The following PDLIM5 variants were observed in gnomAD, a reference collection of about 807,000 sequenced individuals.
The protein encoded by PDLIM5 is PDZ and LIM domain protein 5.
A neutral mutation model predicts 64.2 loss-of-function variants in PDLIM5; 34 were observed. That is an observed-to-expected ratio of 0.53 (90% CI 0.40 to 0.71). PDLIM5 has a LOEUF of 0.71. PDLIM5 is among the 30% of genes least tolerant of loss of function. The pLI is 0.00. For synonymous variants in PDLIM5, 253 were observed against 269.1 expected (o/e 0.94, Z 0.59); for missense variants, 683 against 733.6 (o/e 0.93, Z 0.80).
chr4:94,625,732 C>T (rs934053325), intron 8 of PDLIM5, among the ~76,000 whole-genome samples: 3 of 152,146 alleles, frequency 2.0e-5, no homozygotes, highest in African/African-American at 4.8e-5. Flanking sequence ...GGATTACAGA[C>T]GTGAGCCACT....
intron 8 of PDLIM5, among the ~76,000 whole-genome samples, chr4:94,631,194 C>A (rs1372041029): frequency 6.6e-6 from 1 of 151,910 alleles, no homozygotes; most frequent in Non-Finnish European, 1.5e-5. Flanking sequence ...TGAGCCACCA[C>A]ACCTGGCCAC....
chr4:94,506,014 C>T (rs1728362311), intron 2 of PDLIM5, among the ~76,000 whole-genome samples: 1 of 152,190 alleles, frequency 6.6e-6, no homozygotes, highest in Non-Finnish European at 1.5e-5. Flanking sequence ...GGTGACCAGC[C>T]TCCATCCTGA....
chr4:94,570,344 G>GA (rs528771041), intron 3 of PDLIM5, among the ~76,000 whole-genome samples: 7 of 151,774 alleles, frequency 4.6e-5, no homozygotes, highest in Admixed American at 3.9e-4. Flanking sequence ...CTCTCTGTAG[G>GA]AAAAAAAGAT....
At chr4:94,522,749 A>G (rs1729941976) in intron 2 of PDLIM5, among the ~76,000 whole-genome samples, 1 of 152,190 alleles carries the variant, frequency 6.6e-6, no homozygotes, top group Non-Finnish European at 1.5e-5. Context: ...CATCACAAAC[A>G]GAAACTCTGT....
At chr4:94,634,035 T>G (rs1740363829) in intron 8 of PDLIM5, among the ~76,000 whole-genome samples, 2 of 152,002 alleles carry the variant, frequency 1.3e-5, no homozygotes, top group South Asian at 4.2e-4. Context: ...TGGGATATAA[T>G]GGGCAAGGGG....
rs572555371 is a variant in PDLIM5 at position 94,505,756 on chromosome 4, G to T, written c.97-17968G>T. ...AGATGGGAGAGATGCACAGGGCAGG[G>T]CGTATGAAAAGGGGAACAGCGCTTC... is the stretch of plus-strand genomic sequence containing the variant. On this transcript the variant is annotated intron_variant, in intron 2 of 12. Coordinates refer to ENST00000317968, the MANE Select transcript of PDLIM5 (RefSeq NM_006457.5). Among the ~76,000 whole-genome samples, 4 of 152,286 alleles carry T rather than the reference G, an allele frequency of 2.6e-5. No homozygotes were observed. In the South Asian group the frequency reaches 8.3e-4, roughly 32 times the overall value.
chr4:94,479,668 A>G (rs1441042249), intron 2 of PDLIM5, among the ~76,000 whole-genome samples: 1 of 152,198 alleles, frequency 6.6e-6, no homozygotes, highest in African/African-American at 2.4e-5. Flanking sequence ...AAGGCAAACC[A>G]TGATGAGAAA....
Position 94,625,506 on chromosome 4 carries a change from G to A in PDLIM5, c.1108+7315G>A, listed in dbSNP as rs13144789. Among the ~76,000 whole-genome samples the A allele has an allele frequency of 8.1e-3, 1,216 of 150,092 alleles. 9 individuals are homozygous for A. Among genetic ancestry groups the A allele is most frequent in the Middle Eastern group, 0.014 (4 of 290 alleles). On this transcript the variant is annotated intron_variant, in intron 8 of 12. Coordinates refer to ENST00000317968, the MANE Select transcript of PDLIM5 (RefSeq NM_006457.5). ...CTCTCTGTGTTGCCCAGGCTGGAGT[G>A]CAGTGGCGCTATTTAGGCTCACTGC... is the stretch of plus-strand genomic sequence containing the variant.
At chr4:94,657,835 T>C (rs1296086161) in intron 11 of PDLIM5, among the ~76,000 whole-genome samples, 1 of 152,084 alleles carries the variant, frequency 6.6e-6, no homozygotes, top group Non-Finnish European at 1.5e-5. Flanking sequence ...GCCTCCCGAA[T>C]AGCTGGGAAT....
At chr4:94,574,094 A>G (rs533399664) in intron 4 of PDLIM5, among the ~76,000 whole-genome samples, 63 of 152,172 alleles carry the variant, frequency 4.1e-4, no homozygotes, top group Non-Finnish European at 8.4e-4. Flanking sequence ...GAATATCTGA[A>G]ATCTGAATGC....
chr4:94,603,254 T>C (rs1213418678), intron 7 of PDLIM5, among the ~76,000 whole-genome samples: 2 of 152,136 alleles, frequency 1.3e-5, no homozygotes, highest in Admixed American at 1.3e-4. Context: ...TAAAATGTGT[T>C]TTGTTGTTTT....
chr4:94,478,917 T>C (rs1282953700), intron 2 of PDLIM5, among the ~76,000 whole-genome samples: 7 of 129,458 alleles, frequency 5.4e-5, no homozygotes, highest in Admixed American at 4.1e-4. Flanking sequence ...TTTTTTTTTT[T>C]AAGACAGGGT....
chr4:94,559,481 T>C (rs971683281), intron 3 of PDLIM5, among the ~76,000 whole-genome samples: 4 of 152,322 alleles, frequency 2.6e-5, no homozygotes, highest in African/African-American at 4.8e-5. Flanking sequence ...CTTGTTTTCA[T>C]TGGAACACTA....
At chr4:94,581,827 A>G (rs979326405) in intron 5 of PDLIM5, among the ~76,000 whole-genome samples, 22 of 152,168 alleles carry the variant, frequency 1.4e-4, no homozygotes, top group African/African-American at 5.3e-4. Context: ...TCTGCACTTA[A>G]TAGGCTATGT....
intron 2 of PDLIM5, among the ~76,000 whole-genome samples, chr4:94,469,591 GT>G (rs112099138): frequency 0.012 from 1,805 of 152,274 alleles, 41 homozygotes; most frequent in African/African-American, 0.041. Context: ...AGATAAAGAG[GT>G]TCCTGGTAAT....
At chr4:94,495,303 A>T (rs1442557695) in intron 2 of PDLIM5, among the ~76,000 whole-genome samples, 3 of 152,182 alleles carry the variant, frequency 2.0e-5, no homozygotes, top group Non-Finnish European at 4.4e-5. Context: ...ACACATATTA[A>T]AATTATTTGT....
intron 7 of PDLIM5, among the ~76,000 whole-genome samples, chr4:94,588,852 G>T (rs1416435508): frequency 6.6e-6 from 1 of 152,172 alleles, no homozygotes; most frequent in Admixed American, 6.5e-5. Context: ...ATTAATTTTA[G>T]ATAGTGATTG....
intron 7 of PDLIM5, among the ~76,000 whole-genome samples, chr4:94,589,034 A>C (rs569433360): frequency 6.6e-6 from 1 of 152,352 alleles, no homozygotes; most frequent in East Asian, 1.9e-4. Context: ...CATCAATCCC[A>C]GTTATAACTG....
In PDLIM5 at chr4:94,610,287, T is replaced by C. The variant is rs564748529; in HGVS notation, c.921-7717T>C. ...GCGCAGCTGCTACTGTGTCTGCTGT[T>C]ATTGCTACAAAAACCAGGTAGAACT... On this transcript the variant is annotated intron_variant, in intron 7 of 12. Coordinates refer to ENST00000317968, the MANE Select transcript of PDLIM5 (RefSeq NM_006457.5). The C allele has an allele frequency of 1.7e-4, 262 of 1,516,992 alleles. 1 individual carries two copies. In the South Asian group the frequency reaches 3.0e-3, roughly 17 times the overall value. 94.0% of individuals were successfully genotyped at this position (1,516,992 alleles called of 1,614,324 possible).
Sources: allele counts gnomAD v4.1 joint callset (sites outside exome capture counted in the v4.1 genomes callset), GRCh38; gene constraint gnomAD v4.1.1; transcripts MANE v1.5; gene names NCBI Gene and HGNC (gene_info 2026-07-23, HGNC 2026-07-21).